Variants in DCC observed in about 807,000 individuals in gnomAD.
DCC encodes DCC netrin 1 receptor.
Under a neutral mutation model 172.5 loss-of-function variants are expected in DCC, and 58 were observed. The observed-to-expected ratio is 0.34, with a 90% CI of 0.27 to 0.42. DCC has a LOEUF of 0.42. Among genes scored for constraint, DCC ranks in the 10% least tolerant of loss-of-function variants. The pLI is 1.00. For synonymous variants in DCC, 709 were observed against 644.5 expected (o/e 1.10, Z -1.52); for missense variants, 1,740 against 1,791.0 (o/e 0.97, Z 0.51).
intron 1 of DCC, among the ~76,000 whole-genome samples, chr18:52,489,473 TA>T (rs2030392054): frequency 6.6e-6 from 1 of 152,090 alleles, no homozygotes. Context: ...GAGATAGAAA[TA>T]AATGTTATAT....
At position 52,958,358 on chromosome 18, in the gene DCC, T is replaced by C. The variant is rs564949770; in HGVS notation, c.985+32988T>C. ...AATACTTGTAACCTGTAATTATTAA[T>C]AATATTGATCTGTGAATGGTGTAAG... is the stretch of plus-strand genomic sequence containing the variant. On this transcript the variant is annotated intron_variant, in intron 5 of 28. Coordinates refer to ENST00000442544, the MANE Select transcript of DCC (RefSeq NM_005215.4). Among the ~76,000 whole-genome samples the C allele has an allele frequency of 4.6e-5, 7 of 152,258 alleles. No homozygotes were observed. In the South Asian group the frequency reaches 1.2e-3, roughly 27 times the overall value.
intron 12 of DCC, among the ~76,000 whole-genome samples, chr18:53,286,564 A>G (rs999635811): frequency 7.9e-5 from 12 of 152,144 alleles, no homozygotes; most frequent in Non-Finnish European, 1.8e-4. Flanking sequence ...CTAATACACA[A>G]TTGCATTAGC....
At chr18:53,529,067 C>G (rs1054219618) in intron 28 of DCC, among the ~76,000 whole-genome samples, 2 of 151,372 alleles carry the variant, frequency 1.3e-5, no homozygotes, top group Admixed American at 1.3e-4. Flanking sequence ...CACACACACA[C>G]ACACACACAC....
intron 2 of DCC, among the ~76,000 whole-genome samples, chr18:52,897,770 T>A (rs1481853293): frequency 6.6e-6 from 1 of 152,140 alleles, no homozygotes; most frequent in South Asian, 2.1e-4. Context: ...TCCTTTGCAA[T>A]GTCCACCATA....
intron 1 of DCC, among the ~76,000 whole-genome samples, chr18:52,484,987 T>C (rs1287786446): frequency 9.9e-5 from 15 of 152,092 alleles, no homozygotes; most frequent in Admixed American, 9.8e-4. Flanking sequence ...CCGGTCTTAG[T>C]GGTTTCAATG....
chr18:53,397,550 C>G, intron 18 of DCC, 104 bp downstream of exon 18: 3 of 1,250,730 alleles, frequency 2.4e-6, no homozygotes, highest in Middle Eastern at 1.9e-4. Flanking sequence ...ATACCTTATC[C>G]TATATAAAAT....
chr18:53,110,926 G>T lies in DCC; in HGVS notation c.1261+44760G>T, dbSNP rs1172643898. 1.9e-4 allele frequency among the ~76,000 whole-genome samples: 23 copies of T among 123,700 alleles called. 1 individual carries two copies. Among genetic ancestry groups the T allele is most frequent in the Non-Finnish European group, 2.5e-4 (15 of 59,942 alleles). 81.2% of individuals were successfully genotyped at this position (123,700 alleles called of 152,430 possible). On this transcript the variant is annotated intron_variant, in intron 7 of 28. Transcript: ENST00000442544. Reference sequence around the variant, plus strand: ...ATATACCCAAAGGACTATAAATCATGCTGCTATAAAGACACATGCACACGT... The same window carrying T: ...ATATACCCAAAGGACTATAAATCATTCTGCTATAAAGACACATGCACACGT...
intron 1 of DCC, among the ~76,000 whole-genome samples, chr18:52,415,832 A>T (rs1987004287): frequency 6.6e-6 from 1 of 152,092 alleles, no homozygotes; most frequent in Non-Finnish European, 1.5e-5. Flanking sequence ...CAGCTCCTGG[A>T]TTCATTAATT....
chr18:52,814,175 G>A (rs532577347), intron 2 of DCC, among the ~76,000 whole-genome samples: 10 of 152,326 alleles, frequency 6.6e-5, no homozygotes, highest in African/African-American at 2.4e-4. Context: ...TGCAGTGCAG[G>A]GATCCTGCCT....
chr18:52,458,891 G>T lies in DCC; in HGVS notation c.91+118013G>T, dbSNP rs1988541701. 2.0e-5 allele frequency among the ~76,000 whole-genome samples: 3 copies of T among 152,192 alleles called. No homozygotes were observed. In the East Asian group the frequency reaches 5.8e-4, roughly 29 times the overall value. The stretch of plus-strand genomic sequence containing the variant: ...AGTTAAAAAATAAAAACATTTAATT[G>T]TCTTTTATTATTGGTTTTGACTAGA... On this transcript the variant is annotated intron_variant, in intron 1 of 28. Coordinates refer to ENST00000442544, the MANE Select transcript of DCC (RefSeq NM_005215.4).
At chr18:53,374,607 T>G (rs1217150108) in intron 15 of DCC, among the ~76,000 whole-genome samples, 1 of 151,996 alleles carries the variant, frequency 6.6e-6, no homozygotes, top group East Asian at 1.9e-4. Flanking sequence ...GCTTGTTGAG[T>G]GAAAAGGCAA....
chr18:53,290,946 A>T (rs542363417), intron 12 of DCC, among the ~76,000 whole-genome samples: 21 of 152,152 alleles, frequency 1.4e-4, no homozygotes, highest in Non-Finnish European at 2.8e-4. Flanking sequence ...AGGCTAGCGG[A>T]TCACGAGGTC....
chr18:53,013,604 T>G (rs979286264), intron 5 of DCC, among the ~76,000 whole-genome samples: 1 of 151,140 alleles, frequency 6.6e-6, no homozygotes, highest in Non-Finnish European at 1.5e-5. Context: ...GGGGCTTAAA[T>G]CCTAGATGAT....
At chr18:52,838,136 A>G (rs1304217357) in intron 2 of DCC, among the ~76,000 whole-genome samples, 1 of 152,136 alleles carries the variant, frequency 6.6e-6, no homozygotes, top group Non-Finnish European at 1.5e-5. Flanking sequence ...GCCAAACGAT[A>G]TCACTCTGTT....
At chr18:53,407,582 A>G (rs1172452237) in intron 19 of DCC, among the ~76,000 whole-genome samples, 1 of 139,504 alleles carries the variant, frequency 7.2e-6, no homozygotes, top group Non-Finnish European at 1.5e-5. Flanking sequence ...CTCTATATAT[A>G]TGTTCAGTAA....
At chr18:52,715,508 T>C (rs548356992) in intron 1 of DCC, among the ~76,000 whole-genome samples, 1 of 152,242 alleles carries the variant, frequency 6.6e-6, no homozygotes, top group Admixed American at 6.5e-5. Flanking sequence ...TTTTACCATG[T>C]TGGCCAGGCT....
intron 1 of DCC, among the ~76,000 whole-genome samples, chr18:52,672,115 C>G (rs1197738112): frequency 3.3e-5 from 5 of 151,976 alleles, no homozygotes; most frequent in Non-Finnish European, 7.4e-5. Context: ...AAACAAAAAA[C>G]AAAAACAAAA....
intron 1 of DCC, among the ~76,000 whole-genome samples, chr18:52,629,293 A>G (rs1247789396): frequency 1.3e-5 from 2 of 152,108 alleles, no homozygotes; most frequent in African/African-American, 4.8e-5. Flanking sequence ...AAAAACTTCT[A>G]CCCACCCACC....
chr18:53,429,916 T>G (rs971138005), intron 21 of DCC, among the ~76,000 whole-genome samples: 1 of 152,112 alleles, frequency 6.6e-6, no homozygotes, highest in African/African-American at 2.4e-5. Flanking sequence ...ATTTGAAATA[T>G]CCTACGTGTT....
Sources: allele counts gnomAD v4.1 joint callset (sites outside exome capture counted in the v4.1 genomes callset), GRCh38; gene constraint gnomAD v4.1.1; transcripts MANE v1.5; gene names NCBI Gene and HGNC (gene_info 2026-07-23, HGNC 2026-07-21).